The following CHRM2 variants were observed in gnomAD, a reference collection of about 807,000 sequenced individuals.
CHRM2 encodes the protein muscarinic acetylcholine receptor M2.
CHRM2 carries 8 observed loss-of-function variants against 25.0 expected under a neutral mutation model. That is an observed-to-expected ratio of 0.32 (90% CI 0.19 to 0.58). The LOEUF (loss-of-function observed/expected upper bound fraction) is 0.58. Among genes scored for constraint, CHRM2 ranks in the 20% least tolerant of loss-of-function variants. CHRM2 has a pLI of 0.88. For synonymous variants in CHRM2, 202 were observed against 205.7 expected, an observed-to-expected ratio of 0.98 and a Z score of 0.15; for missense variants, 440 against 567.1, an observed-to-expected ratio of 0.78 and a Z score of 2.28.
chr7:136,954,651 A>G lies in CHRM2; in HGVS notation c.-124-37536A>G, dbSNP rs559711458. On this transcript the variant is annotated intron_variant, in intron 2 of 3. Transcript: ENST00000680005. The stretch of plus-strand genomic sequence containing the variant: ...GTAGAAAGATCAAAATACAGAAAAA[A>G]TATGAAAGACTTTTGAAAAGGTAGG... 2.6e-5 allele frequency among the ~76,000 whole-genome samples: 4 copies of G among 152,304 alleles called. No individual in the cohort carries two copies. The East Asian group carries it at 7.7e-4, about 29-fold the overall frequency.
chr7:136,902,896 A>G (rs764453904), intron 2 of CHRM2: 8 of 331,642 alleles, frequency 2.4e-5, no homozygotes, highest in Non-Finnish European at 4.6e-5. Flanking sequence ...TTGGATGTTT[A>G]TGATAAGGTA....
chr7:136,997,835 T>C (rs1246450337), intron 3 of CHRM2, among the ~76,000 whole-genome samples: 1 of 152,124 alleles, frequency 6.6e-6, no homozygotes, highest in East Asian at 1.9e-4. Flanking sequence ...CAGGGCTACA[T>C]AGGCAGAAAT....
At position 136,963,604 on chromosome 7, in the gene CHRM2, C is replaced by T. The variant is rs577565911; in HGVS notation, c.-124-28583C>T. On this transcript the variant is annotated intron_variant, in intron 2 of 3. Coordinates refer to ENST00000680005, the MANE Select transcript of CHRM2 (RefSeq NM_001006630.2). ...GAAATTAATTATTCTCTATTCAAGG[C>T]GCACGTCCCCACAATTTAGTCCAGT... Among the ~76,000 whole-genome samples the T allele has an allele frequency of 1.6e-3, 239 of 152,224 alleles. 1 individual carries two copies. Among genetic ancestry groups the T allele is most frequent in the African/African-American group, 5.0e-3 (209 of 41,540 alleles).
chr7:137,008,137 T>C (rs1563123215), intron 3 of CHRM2, among the ~76,000 whole-genome samples: 1 of 152,236 alleles, frequency 6.6e-6, no homozygotes, highest in African/African-American at 2.4e-5. Context: ...TTTGCAAATA[T>C]ATGAAATTAA....
intron 2 of CHRM2, among the ~76,000 whole-genome samples, chr7:136,914,636 G>A (rs1278286963): frequency 3.3e-5 from 5 of 151,942 alleles, no homozygotes; most frequent in East Asian, 3.9e-4. Context: ...AAAATGTTAC[G>A]TTTTCTGATT....
intron 2 of CHRM2, among the ~76,000 whole-genome samples, chr7:136,938,875 C>CT (rs71176357): frequency 0.034 from 4,020 of 116,900 alleles, 134 homozygotes; most frequent in Non-Finnish European, 0.049. Flanking sequence ...TACAAAGTTG[C>CT]TTTTTTTTTG....
At chr7:136,969,686 C>A (rs1229468923) in intron 2 of CHRM2, among the ~76,000 whole-genome samples, 2 of 152,166 alleles carry the variant, frequency 1.3e-5, no homozygotes, top group Non-Finnish European at 2.9e-5. Context: ...CAACGTCCTT[C>A]TGTTTTAGGC....
At chr7:136,879,443 G>A (rs1393151376) in intron 2 of CHRM2, among the ~76,000 whole-genome samples, 1 of 151,908 alleles carries the variant, frequency 6.6e-6, no homozygotes, top group East Asian at 1.9e-4. Context: ...CTGTTTACAT[G>A]TCCATTGTTA....
intron 2 of CHRM2, chr7:136,902,403 G>A (rs1170778093): frequency 6.6e-6 from 1 of 152,036 alleles, no homozygotes; most frequent in Non-Finnish European, 1.5e-5. Context: ...GTAAGCTATA[G>A]CATCCTCTGA....
At chr7:136,994,145 C>T (rs1166167115) in intron 3 of CHRM2, among the ~76,000 whole-genome samples, 1 of 152,138 alleles carries the variant, frequency 6.6e-6, no homozygotes, top group African/African-American at 2.4e-5. Flanking sequence ...CTTTCCTGAC[C>T]TCCACATCAC....
chr7:136,905,649 T>G (rs1257872470), intron 2 of CHRM2, among the ~76,000 whole-genome samples: 1 of 151,704 alleles, frequency 6.6e-6, no homozygotes, highest in East Asian at 1.9e-4. Flanking sequence ...TCAATCCCCT[T>G]TAAGTATTTT....
At chr7:136,990,047 C>G (rs1172753898) in intron 2 of CHRM2, among the ~76,000 whole-genome samples, 1 of 152,098 alleles carries the variant, frequency 6.6e-6, no homozygotes, top group African/African-American at 2.4e-5. Context: ...GCTGCATCAT[C>G]ATGATCATAT....
At chr7:137,009,319 G>T in intron 3 of CHRM2, among the ~76,000 whole-genome samples, 1 of 151,756 alleles carries the variant, frequency 6.6e-6, no homozygotes. Flanking sequence ...AACTTTTTTT[G>T]TCCACTGATG....
chr7:136,871,586 A>G (rs999986265), intron 2 of CHRM2: 1 of 152,716 alleles, frequency 6.5e-6, no homozygotes, highest in Non-Finnish European at 1.5e-5. Context: ...ATGCGCAACC[A>G]TATGATAGGA....
chr7:136,919,918 A>G (rs1798334069), intron 2 of CHRM2, among the ~76,000 whole-genome samples: 3 of 152,002 alleles, frequency 2.0e-5, no homozygotes, highest in Non-Finnish European at 4.4e-5. Context: ...TTCTCTAGAT[A>G]TTTATCTCAT....
intron 2 of CHRM2, among the ~76,000 whole-genome samples, chr7:136,959,778 G>A (rs1300647291): frequency 1.3e-5 from 2 of 152,184 alleles, no homozygotes; most frequent in African/African-American, 4.8e-5. Context: ...GGGCCTGGTG[G>A]TGCATGCCTG....
At chr7:136,910,959 A>G (rs1267322762) in intron 2 of CHRM2, among the ~76,000 whole-genome samples, 2 of 151,946 alleles carry the variant, frequency 1.3e-5, no homozygotes, top group East Asian at 3.9e-4. Context: ...TACAAATTCT[A>G]TTGCTAAGAA....
At chr7:136,997,097 T>C (rs77361052) in intron 3 of CHRM2, among the ~76,000 whole-genome samples, 1,814 of 152,316 alleles carry the variant, frequency 0.012, 51 homozygotes, top group African/African-American at 0.042. Context: ...TGTTAACTTA[T>C]GCCAGCTTCC....
At chr7:136,970,988 A>G (rs1405499611) in intron 2 of CHRM2, among the ~76,000 whole-genome samples, 1 of 152,216 alleles carries the variant, frequency 6.6e-6, no homozygotes, top group African/African-American at 2.4e-5. Context: ...CAATTGAACA[A>G]AATAAATTAA....
Sources: gnomAD v4.1 joint callset for allele counts (sites outside exome capture counted in the v4.1 genomes callset) on GRCh38, gnomAD v4.1.1 for gene constraint, MANE v1.5 for transcripts, NCBI Gene and HGNC (gene_info 2026-07-23, HGNC 2026-07-21) for gene names.